Variants in HYDIN observed in about 807,000 individuals in gnomAD.
HYDIN encodes the protein axonemal central pair apparatus protein HYDIN.
HYDIN carries 132 observed loss-of-function variants against 403.9 expected under a neutral mutation model. The ratio of observed to expected loss-of-function variants is 0.33; its 90% CI spans 0.28 to 0.38. HYDIN has a LOEUF of 0.38. HYDIN is among the 10% of genes least tolerant of loss of function. The probability of loss-of-function intolerance (pLI) is 1.00; values close to 1 mark genes in which losing one functional copy is unlikely to be tolerated. For missense variants in HYDIN, 2,827 were observed against 5,009.5 expected (o/e 0.56, Z 13.15); for synonymous variants, 1,202 against 1,891.7 (o/e 0.64, Z 9.46).
At chr16:71,221,747 A>G (rs1315178221) in intron 1 of HYDIN, among the ~76,000 whole-genome samples, 1 of 152,268 alleles carries the variant, frequency 6.6e-6, no homozygotes, top group Non-Finnish European at 1.5e-5. Flanking sequence ...AAAAGCATAT[A>G]CTTTAAGACA....
intron 1 of HYDIN, among the ~76,000 whole-genome samples, chr16:71,224,944 G>A (rs2040967444): frequency 6.6e-6 from 1 of 152,170 alleles, no homozygotes; most frequent in Admixed American, 6.5e-5. Flanking sequence ...GAAGTTACTG[G>A]TCATGTTTTT....
intron 52 of HYDIN, among the ~76,000 whole-genome samples, chr16:70,902,960 CTTTT>C (rs11284295): frequency 7.3e-6 from 1 of 136,484 alleles, no homozygotes; most frequent in East Asian, 2.1e-4. Context: ...TCTCTCTATG[CTTTT>C]TTTTTTTTTC....
chr16:70,859,950 T>C (rs1434317170), intron 71 of HYDIN, 118 bp downstream of exon 71: 3 of 786,896 alleles, frequency 3.8e-6, no homozygotes, highest in Non-Finnish European at 4.3e-6. Flanking sequence ...TGTTGATTGA[T>C]GCACTACACC....
At chr16:71,173,976 G>C (rs9939485) in intron 5 of HYDIN, among the ~76,000 whole-genome samples, 94,607 of 152,024 alleles carry the variant, frequency 0.62, 31,471 homozygotes, top group African/African-American at 0.87. Context: ...ACAAAAATGA[G>C]GGTGTAGGAA....
intron 71 of HYDIN, among the ~76,000 whole-genome samples, chr16:70,859,581 G>GT (rs1286537894): frequency 1.3e-5 from 2 of 152,062 alleles, no homozygotes; most frequent in African/African-American, 4.8e-5. Context: ...TCACAGATCC[G>GT]TTTTGGCCAG....
chr16:71,009,633 T>G (rs2080009766), intron 23 of HYDIN, among the ~76,000 whole-genome samples: 3 of 151,752 alleles, frequency 2.0e-5, no homozygotes, highest in Admixed American at 2.0e-4. Context: ...GTGATTAAGT[T>G]GAGGATCTAG....
chr16:71,208,520 C>T (rs1018662906), intron 1 of HYDIN, among the ~76,000 whole-genome samples: 1 of 151,834 alleles, frequency 6.6e-6, no homozygotes, highest in African/African-American at 2.4e-5. Context: ...GCAAACCAAC[C>T]CCAAAGCTAG....
chr16:71,177,227 G>T (rs990952995), intron 4 of HYDIN, among the ~76,000 whole-genome samples: 4 of 152,172 alleles, frequency 2.6e-5, no homozygotes, highest in Admixed American at 6.5e-5. Flanking sequence ...AACCACTGAT[G>T]ACCATTTCTT....
In HYDIN at chr16:70,863,190, T is replaced by A. The variant is rs767407695; in HGVS notation, c.11472-8A>T. 6.2e-7 allele frequency: 1 copy of A among 1,611,964 alleles called. No individual in the cohort carries two copies. Among genetic ancestry groups the A allele is most frequent in the Middle Eastern group, 1.7e-4 (1 of 6,060 alleles). ...GAATTAATCACATCGAACCTGCAAA[T>A]CGATCAGGGAGCAGATTTGAGAAAT... On this transcript the variant is annotated splice_region_variant and splice_polypyrimidine_tract_variant and intron_variant, in intron 67 of 85. Transcript: ENST00000393567.
rs1446200940 is a variant in HYDIN at position 70,908,949 on chromosome 16, G to C, written c.8005-88C>G. 6 of 1,524,456 alleles carry C rather than the reference G, an allele frequency of 3.9e-6. No individual in the cohort carries two copies. In the African/African-American group the frequency reaches 5.5e-5, roughly 14 times the overall value. 94.4% of individuals were successfully genotyped at this position (1,524,456 alleles called of 1,614,324 possible). On this transcript the variant is annotated intron_variant, in intron 47 of 85. Coordinates refer to ENST00000393567, the MANE Select transcript of HYDIN (RefSeq NM_001270974.2). Reference sequence around the variant, plus strand: ...GAGATGGCCACATGTCTGTCATCTGGGGAGATGGTGCTGCAGGGTCAGGAA... The same window carrying C: ...GAGATGGCCACATGTCTGTCATCTGCGGAGATGGTGCTGCAGGGTCAGGAA...
intron 28 of HYDIN, among the ~76,000 whole-genome samples, chr16:70,982,909 G>A (rs1026411308): frequency 6.8e-6 from 1 of 146,704 alleles, no homozygotes; most frequent in African/African-American, 2.5e-5. Flanking sequence ...CTAGGTCAAA[G>A]TATAATTTTG....
chr16:70,886,558 C>G (rs1188988139), intron 58 of HYDIN, among the ~76,000 whole-genome samples: 1 of 152,136 alleles, frequency 6.6e-6, no homozygotes, highest in Non-Finnish European at 1.5e-5. Context: ...CTGTTATTTA[C>G]TTTTTGTTTT....
intron 1 of HYDIN, among the ~76,000 whole-genome samples, chr16:71,211,256 T>A (rs1363442402): frequency 6.6e-6 from 1 of 152,124 alleles, no homozygotes; most frequent in African/African-American, 2.4e-5. Flanking sequence ...CAGGTCCACA[T>A]CACTTAAACT....
chr16:71,020,178 G>A lies in HYDIN; in HGVS notation c.3326C>T (p.Pro1109Leu). The A allele has an allele frequency of 6.2e-7, 1 of 1,613,740 alleles. No homozygotes were observed. The highest frequency in any genetic ancestry group is 1.1e-5 in the South Asian group (1 of 90,918). Residue 1109 changes from proline to leucine, a missense_variant, in exon 22 of 86, where the codon CCT becomes CTT. Coordinates refer to ENST00000393567, the MANE Select transcript of HYDIN (RefSeq NM_001270974.2). ...ETDKSLLPATPEPIKLEIDEE... is the reference protein window; with the variant it reads ...ETDKSLLPATLEPIKLEIDEE... ...AACAGACCCCTATTAAGGTACCTCA[G>A]GAGTTGCCGGCAGCAGGGATTTATC...
At chr16:71,006,971 A>C (rs1303245613) in intron 23 of HYDIN, among the ~76,000 whole-genome samples, 14 of 140,864 alleles carry the variant, frequency 9.9e-5, no homozygotes, top group East Asian at 2.1e-4. Flanking sequence ...TCCTCACCCC[A>C]CCCCTTTCTC....
chr16:70,879,057 A>G (rs2040619212), intron 62 of HYDIN, among the ~76,000 whole-genome samples: 2 of 150,988 alleles, frequency 1.3e-5, no homozygotes, highest in Non-Finnish European at 2.9e-5. Context: ...AGCTTGGTGC[A>G]CATCACTGCA....
chr16:71,213,553 G>A (rs2088706691), intron 1 of HYDIN, among the ~76,000 whole-genome samples: 1 of 151,916 alleles, frequency 6.6e-6, no homozygotes, highest in Non-Finnish European at 1.5e-5. Context: ...CTAGAAGAGG[G>A]AAAAACTGAA....
chr16:71,097,581 C>T (rs1251632154), intron 10 of HYDIN, among the ~76,000 whole-genome samples: 1 of 147,610 alleles, frequency 6.8e-6, no homozygotes, highest in East Asian at 2.0e-4. Flanking sequence ...GACATTGTGA[C>T]AGCTATAGCC....
intron 7 of HYDIN, among the ~76,000 whole-genome samples, chr16:71,141,530 G>GACTGTAAA (rs1251096250): frequency 3.3e-5 from 5 of 151,728 alleles, no homozygotes; most frequent in Non-Finnish European, 5.9e-5. Context: ...CCAAAAACTT[G>GACTGTAAA]ACTGTAAAAG....
Sources: gnomAD v4.1 joint callset for allele counts (sites outside exome capture counted in the v4.1 genomes callset) on GRCh38, gnomAD v4.1.1 for gene constraint, MANE v1.5 for transcripts, NCBI Gene and HGNC (gene_info 2026-07-23, HGNC 2026-07-21) for gene names.